PXDNL: variants seen among roughly 807,000 people sequenced by gnomAD.
PXDNL encodes peroxidasin like, also known as probable oxidoreductase PXDNL.
In PXDNL, 145 loss-of-function variants were observed where a neutral mutation model predicts 150.8. The observed-to-expected ratio is 0.96, with a 90% CI of 0.84 to 1.10. The LOEUF (loss-of-function observed/expected upper bound fraction) is 1.10, where lower values mean the gene tolerates loss of function less well. PXDNL is among the 50% of genes least tolerant of loss of function. The probability of loss-of-function intolerance (pLI) is 0.00; values close to 1 mark genes in which losing one functional copy is unlikely to be tolerated. For missense variants in PXDNL, 2,087 were observed against 1,873.9 expected (o/e 1.11, Z -2.10); for synonymous variants, 757 against 725.7 (o/e 1.04, Z -0.69).
chr8:51,583,887 C>T (rs73572303), intron 3 of PXDNL, among the ~76,000 whole-genome samples: 3,770 of 152,114 alleles, frequency 0.025, 142 homozygotes, highest in African/African-American at 0.086. Flanking sequence ...CTAATTTTCA[C>T]GAAGAGAAAA....
chr8:51,510,033 T>C (rs1246597684), intron 4 of PXDNL, among the ~76,000 whole-genome samples: 1 of 151,998 alleles, frequency 6.6e-6, no homozygotes, highest in African/African-American at 2.4e-5. Flanking sequence ...AAAATGACAA[T>C]ATTATCTATA....
Position 51,408,048 on chromosome 8 carries a change from G to A in PXDNL, c.3557+19C>T. The A allele has an allele frequency of 1.3e-6, 2 of 1,572,016 alleles. No individual in the cohort carries two copies. The highest frequency in any genetic ancestry group is 4.5e-5 in the East Asian group (2 of 44,704). The stretch of plus-strand genomic sequence containing the variant: ...TCTCCTAAGAAATGTTTAAATCCAG[G>A]CAGCATTTGCATACTTACTTTCTCA... On this transcript the variant is annotated intron_variant, in intron 17 of 22. Transcript: ENST00000356297.
At chr8:51,436,617 G>T in intron 12 of PXDNL, 1 of 185,034 alleles carries the variant, frequency 5.4e-6, no homozygotes, top group South Asian at 1.2e-4. Flanking sequence ...TGATCACTGG[G>T]TCAACAGTGA....
At chr8:51,536,551 A>G (rs1324644798) in intron 4 of PXDNL, among the ~76,000 whole-genome samples, 1 of 152,012 alleles carries the variant, frequency 6.6e-6, no homozygotes, top group Non-Finnish European at 1.5e-5. Context: ...TGAGCATGAC[A>G]CCATCCAGGG....
intron 12 of PXDNL, among the ~76,000 whole-genome samples, chr8:51,430,664 G>A (rs1027333072): frequency 3.0e-5 from 2 of 66,000 alleles, no homozygotes; most frequent in Non-Finnish European, 1.0e-4. Flanking sequence ...CAAACTGTTC[G>A]CTGGAATAAA....
chr8:51,375,477 T>C (rs1238932174), intron 17 of PXDNL, among the ~76,000 whole-genome samples: 1 of 152,224 alleles, frequency 6.6e-6, no homozygotes, highest in East Asian at 1.9e-4. Flanking sequence ...TTCATACATA[T>C]GATTCTCTAA....
chr8:51,438,906 C>T (rs766354460), intron 12 of PXDNL, among the ~76,000 whole-genome samples: 7 of 152,092 alleles, frequency 4.6e-5, no homozygotes, highest in Non-Finnish European at 8.8e-5. Context: ...CATCTTTCAC[C>T]TTATACAAAA....
At chr8:51,569,416 A>G (rs1812884453) in intron 3 of PXDNL, among the ~76,000 whole-genome samples, 1 of 152,002 alleles carries the variant, frequency 6.6e-6, no homozygotes. Context: ...GCTGATAACT[A>G]AAACACACGC....
intron 1 of PXDNL, among the ~76,000 whole-genome samples, chr8:51,697,011 A>G (rs889118758): frequency 1.3e-5 from 2 of 152,252 alleles, no homozygotes; most frequent in African/African-American, 4.8e-5. Context: ...TCACTTAAAC[A>G]TGGAGAAATA....
At chr8:51,769,994 A>G (rs1453887511) in intron 1 of PXDNL, among the ~76,000 whole-genome samples, 1 of 152,170 alleles carries the variant, frequency 6.6e-6, no homozygotes, top group Admixed American at 6.5e-5. Flanking sequence ...GATCATGGTA[A>G]TGCTATTTTG....
intron 1 of PXDNL, among the ~76,000 whole-genome samples, chr8:51,697,371 T>C (rs1033919193): frequency 6.6e-6 from 1 of 152,140 alleles, no homozygotes; most frequent in African/African-American, 2.4e-5. Flanking sequence ...GGTAATTATT[T>C]TTATTTTCAA....
chr8:51,323,956 A>T (rs375954424), intron 21 of PXDNL, among the ~76,000 whole-genome samples: 36 of 70,282 alleles, frequency 5.1e-4, no homozygotes, highest in African/African-American at 3.8e-3. Context: ...AATAAAAAAA[A>T]AAAGAATCTT....
chr8:51,339,437 C>T (rs1459744001), intron 21 of PXDNL, among the ~76,000 whole-genome samples, 187 bp downstream of exon 21: 3 of 151,772 alleles, frequency 2.0e-5, no homozygotes, highest in Admixed American at 6.6e-5. Flanking sequence ...TCCATCCGGC[C>T]GACAGAACAA....
chr8:51,764,482 C>T (rs562733900), intron 1 of PXDNL, among the ~76,000 whole-genome samples: 1 of 151,784 alleles, frequency 6.6e-6, no homozygotes, highest in South Asian at 2.1e-4. Flanking sequence ...CAGCTCCACC[C>T]TATAAGTGTT....
chr8:51,508,456 G>A (rs983114920), intron 4 of PXDNL, among the ~76,000 whole-genome samples: 4 of 152,174 alleles, frequency 2.6e-5, no homozygotes, highest in Non-Finnish European at 5.9e-5. Flanking sequence ...GCATTGGAAT[G>A]CGTCGGTTAG....
At chr8:51,391,276 C>G (rs1807899715) in intron 17 of PXDNL, among the ~76,000 whole-genome samples, 1 of 152,154 alleles carries the variant, frequency 6.6e-6, no homozygotes, top group Admixed American at 6.5e-5. Flanking sequence ...ATGGCTGGGT[C>G]AAATGGTATT....
intron 17 of PXDNL, among the ~76,000 whole-genome samples, chr8:51,397,765 A>G (rs967559225): frequency 5.9e-5 from 9 of 151,534 alleles, no homozygotes; most frequent in African/African-American, 2.2e-4. Context: ...CTTTTTTTTT[A>G]TTATTATACT....
chr8:51,570,866 G>A (rs988591760), intron 3 of PXDNL, among the ~76,000 whole-genome samples: 1 of 151,738 alleles, frequency 6.6e-6, no homozygotes, highest in African/African-American at 2.4e-5. Flanking sequence ...TATATATATT[G>A]TAACTAAAAC....
At chr8:51,513,279 T>G (rs962085904) in intron 4 of PXDNL, among the ~76,000 whole-genome samples, 29 of 151,974 alleles carry the variant, frequency 1.9e-4, no homozygotes, top group African/African-American at 7.0e-4. Context: ...GCATAAACAC[T>G]CTGAGGATGG....
Sources: allele counts gnomAD v4.1 joint callset (sites outside exome capture counted in the v4.1 genomes callset), GRCh38; gene constraint gnomAD v4.1.1; transcripts MANE v1.5; gene names NCBI Gene and HGNC (gene_info 2026-07-23, HGNC 2026-07-21).